EIF2B3: variants seen among roughly 807,000 people sequenced by gnomAD.
The protein encoded by EIF2B3 is translation initiation factor eIF2B subunit gamma.
A neutral mutation model predicts 54.1 loss-of-function variants in EIF2B3; 20 were observed. The ratio of observed to expected loss-of-function variants is 0.37; its 90% CI spans 0.26 to 0.54. EIF2B3 has a LOEUF of 0.54. EIF2B3 is among the 20% of genes least tolerant of loss of function. The probability of loss-of-function intolerance (pLI) is 0.86; values close to 1 mark genes in which losing one functional copy is unlikely to be tolerated. For missense variants in EIF2B3, 448 were observed against 547.8 expected, an observed-to-expected ratio of 0.82 and a Z score of 1.82; for synonymous variants, 153 against 188.1, an observed-to-expected ratio of 0.81 and a Z score of 1.52.
chr1:44,868,040 C>T (rs1457343428), intron 10 of EIF2B3, among the ~76,000 whole-genome samples: 1 of 151,286 alleles, frequency 6.6e-6, no homozygotes, highest in Non-Finnish European at 1.5e-5. Context: ...CTTGTCTCCT[C>T]CAAGACGGCA....
At chr1:44,935,643 G>C (rs1028524234) in intron 4 of EIF2B3, among the ~76,000 whole-genome samples, 3 of 152,096 alleles carry the variant, frequency 2.0e-5, no homozygotes, top group Non-Finnish European at 4.4e-5. Flanking sequence ...GGGACTACAG[G>C]CATGTGCCAC....
chr1:44,974,180 T>TC (rs1372716592), intron 3 of EIF2B3, among the ~76,000 whole-genome samples: 1 of 152,072 alleles, frequency 6.6e-6, no homozygotes, highest in Non-Finnish European at 1.5e-5. Context: ...ACAATTTTTT[T>TC]TTTTTTTAAA....
At chr1:44,938,502 G>GT (rs112483515) in intron 4 of EIF2B3, among the ~76,000 whole-genome samples, 31 of 147,412 alleles carry the variant, frequency 2.1e-4, no homozygotes, top group East Asian at 6.1e-4. Context: ...CTCTCTCTCT[G>GT]TTTTTTTTTG....
chr1:44,883,587 C>A (rs1018375158), intron 6 of EIF2B3, among the ~76,000 whole-genome samples: 1 of 152,162 alleles, frequency 6.6e-6, no homozygotes, highest in African/African-American at 2.4e-5. Flanking sequence ...GCATCCCCAA[C>A]CAATCAGCAG....
intron 5 of EIF2B3, among the ~76,000 whole-genome samples, chr1:44,923,942 T>G (rs1181139259): frequency 7.0e-6 from 1 of 142,298 alleles, no homozygotes; most frequent in Non-Finnish European, 1.5e-5. Flanking sequence ...TTTCTTTCCT[T>G]TTTTTTTTTT....
At chr1:44,900,523 T>G (rs1643263969) in intron 5 of EIF2B3, among the ~76,000 whole-genome samples, 1 of 151,260 alleles carries the variant, frequency 6.6e-6, no homozygotes, top group Non-Finnish European at 1.5e-5. Context: ...GAGCAAGAGT[T>G]GAAAAAATAC....
chr1:44,886,052 C>A (rs771534836), intron 6 of EIF2B3, among the ~76,000 whole-genome samples: 11 of 149,174 alleles, frequency 7.4e-5, no homozygotes, highest in Non-Finnish European at 1.5e-4. Context: ...GCCAAGAATT[C>A]TTTAATGATA....
At chr1:44,948,140 C>G (rs899613730) in intron 3 of EIF2B3, among the ~76,000 whole-genome samples, 2 of 152,242 alleles carry the variant, frequency 1.3e-5, no homozygotes, top group Non-Finnish European at 2.9e-5. Flanking sequence ...ACATTGTTTT[C>G]ACTGAGGTTG....
rs147325047 is a variant in EIF2B3, at chr1:44,985,948, A to C, written c.-10+545T>G. On this transcript the variant is annotated intron_variant, in intron 1 of 11. Coordinates refer to ENST00000360403, the MANE Select transcript of EIF2B3 (RefSeq NM_020365.5). ...TGTGCTGCCTGAAGGCAGAGACCTC[A>C]CTGCTCCTCCCTATATTTCACTGCC... Among the ~76,000 whole-genome samples the C allele has an allele frequency of 1.9e-4, 29 of 152,266 alleles. No homozygotes were observed. The East Asian group carries it at 4.1e-3, about 21-fold the overall frequency.
intron 3 of EIF2B3, among the ~76,000 whole-genome samples, chr1:44,955,716 T>C: frequency 6.6e-6 from 1 of 151,906 alleles, no homozygotes. Flanking sequence ...GAACAGACAC[T>C]TCTCAAAAGA....
chr1:44,955,913 G>A (rs1355149382), intron 3 of EIF2B3, among the ~76,000 whole-genome samples: 2 of 152,168 alleles, frequency 1.3e-5, no homozygotes, highest in Non-Finnish European at 2.9e-5. Context: ...CACTGTTGGT[G>A]GTAGTGTAAA....
intron 10 of EIF2B3, among the ~76,000 whole-genome samples, chr1:44,863,689 G>A (rs371213253): frequency 6.6e-6 from 1 of 152,094 alleles, no homozygotes; most frequent in Non-Finnish European, 1.5e-5. Flanking sequence ...TCTTCCACCA[G>A]GGTATCCATT....
At chr1:44,859,131 T>C (rs558991853) in intron 10 of EIF2B3, among the ~76,000 whole-genome samples, 4 of 149,216 alleles carry the variant, frequency 2.7e-5, no homozygotes, top group South Asian at 2.1e-4. Flanking sequence ...AGACTCTTTA[T>C]CTCTACACAA....
intron 3 of EIF2B3, among the ~76,000 whole-genome samples, chr1:44,942,418 T>TGTGTATATA (rs1553177413): frequency 2.5e-4 from 2 of 8,102 alleles, no homozygotes; most frequent in Non-Finnish European, 4.2e-4. Flanking sequence ...TATATATATA[T>TGTGTATATA]TTTTTTTTTT....
chr1:44,936,713 G>GT, intron 4 of EIF2B3, among the ~76,000 whole-genome samples: 1 of 152,252 alleles, frequency 6.6e-6, no homozygotes, highest in Admixed American at 6.5e-5. Context: ...ATATTCTGTG[G>GT]TTTTTTAAAG....
chr1:44,891,852 C>A (rs1464090666), intron 6 of EIF2B3, among the ~76,000 whole-genome samples: 3 of 152,106 alleles, frequency 2.0e-5, no homozygotes, highest in East Asian at 1.9e-4. Flanking sequence ...TAATACAGAT[C>A]ATTTCAAGTT....
intron 5 of EIF2B3, among the ~76,000 whole-genome samples, chr1:44,911,362 G>A (rs1006110662): frequency 3.9e-5 from 6 of 152,184 alleles, no homozygotes; most frequent in Non-Finnish European, 7.4e-5. Flanking sequence ...AACTAAAAAT[G>A]CAGCCTAGTC....
chr1:44,953,486 A>G (rs146712872), intron 3 of EIF2B3, among the ~76,000 whole-genome samples: 3 of 152,304 alleles, frequency 2.0e-5, no homozygotes, highest in East Asian at 3.9e-4. Context: ...CTTTATTAAT[A>G]TCAGTTCTTG....
intron 5 of EIF2B3, among the ~76,000 whole-genome samples, chr1:44,913,541 G>A (rs1643559020): frequency 6.6e-6 from 1 of 151,864 alleles, no homozygotes; most frequent in South Asian, 2.1e-4. Flanking sequence ...GTCTCACTCT[G>A]TCACCCAGGC....
Sources: allele counts gnomAD v4.1 joint callset (sites outside exome capture counted in the v4.1 genomes callset), GRCh38; gene constraint gnomAD v4.1.1; transcripts MANE v1.5; gene names NCBI Gene and HGNC (gene_info 2026-07-23, HGNC 2026-07-21).